NSRP1: variants seen among roughly 807,000 people sequenced by gnomAD.
NSRP1 encodes coiled-coil domain containing 55.
A neutral mutation model predicts 54.7 loss-of-function variants in NSRP1; 24 were observed. The observed-to-expected ratio is 0.44, with a 90% CI of 0.32 to 0.62. NSRP1 has a LOEUF of 0.62. NSRP1 is among the 20% of genes least tolerant of loss of function. The probability of loss-of-function intolerance (pLI) is 0.06; values close to 1 mark genes in which losing one functional copy is unlikely to be tolerated. For synonymous variants in NSRP1, 210 were observed against 213.8 expected (o/e 0.98, Z 0.15); for missense variants, 596 against 651.2 (o/e 0.92, Z 0.92).
At chr17:30,124,156 TG>T (rs2071629551) in intron 2 of NSRP1, among the ~76,000 whole-genome samples, 1 of 151,782 alleles carries the variant, frequency 6.6e-6, no homozygotes, top group Non-Finnish European at 1.5e-5. Flanking sequence ...GTTAGGTACT[TG>T]GAAGGCTCAG....
intron 2 of NSRP1, chr17:30,150,572 CGG>C: frequency 6.7e-6 from 1 of 148,688 alleles, no homozygotes; most frequent in Non-Finnish European, 1.5e-5. Flanking sequence ...TTAGTAGAGA[CGG>C]GGTTTCACCG....
chr17:30,155,635 C>T (rs1337274595), intron 2 of NSRP1, among the ~76,000 whole-genome samples: 1 of 152,034 alleles, frequency 6.6e-6, no homozygotes, highest in Non-Finnish European at 1.5e-5. Flanking sequence ...CCTCAAACTG[C>T]TGGGCTCAAG....
chr17:30,169,984 A>G (rs1904869144), intron 2 of NSRP1, among the ~76,000 whole-genome samples: 1 of 152,066 alleles, frequency 6.6e-6, no homozygotes, highest in Non-Finnish European at 1.5e-5. Context: ...TTTTATGTAT[A>G]TTTAAGACTT....
At chr17:30,159,357 T>TG (rs1255477749) in intron 2 of NSRP1, among the ~76,000 whole-genome samples, 21 of 152,230 alleles carry the variant, frequency 1.4e-4, no homozygotes, top group Middle Eastern at 3.4e-3. Context: ...AGAGGTTTTT[T>TG]TTGTGTGTGT....
chr17:30,180,095 C>T (rs1905246971), intron 5 of NSRP1, among the ~76,000 whole-genome samples: 1 of 152,036 alleles, frequency 6.6e-6, no homozygotes, highest in African/African-American at 2.4e-5. Context: ...CCTCAGCCTC[C>T]CAAAGTGTTG....
At chr17:30,135,165 C>T (rs1178211162) in intron 2 of NSRP1, among the ~76,000 whole-genome samples, 1 of 152,126 alleles carries the variant, frequency 6.6e-6, no homozygotes, top group African/African-American at 2.4e-5. Flanking sequence ...CTCTCCCAGG[C>T]TGGAGTGAAG....
intron 4 of NSRP1, 118 bp from the exon 5 acceptor site, chr17:30,178,972 A>G: frequency 1.8e-6 from 1 of 556,726 alleles, no homozygotes; most frequent in South Asian, 5.5e-5. Flanking sequence ...TATTGAATGT[A>G]GGGAAGACAA....
chr17:30,119,869 CT>C (rs1226611832), intron 2 of NSRP1, among the ~76,000 whole-genome samples: 1 of 152,130 alleles, frequency 6.6e-6, no homozygotes, highest in Non-Finnish European at 1.5e-5. Context: ...TTCTTTGCTA[CT>C]TTTGAAGACA....
chr17:30,141,684 TCG>T, intron 2 of NSRP1, among the ~76,000 whole-genome samples: 1 of 152,202 alleles, frequency 6.6e-6, no homozygotes, highest in Admixed American at 6.5e-5. Context: ...AAATTGGTTA[TCG>T]TGACAATTTT....
intron 2 of NSRP1, among the ~76,000 whole-genome samples, chr17:30,125,641 A>T (rs552163195): frequency 6.6e-6 from 1 of 152,220 alleles, no homozygotes; most frequent in East Asian, 1.9e-4. Context: ...TCCACCTCCC[A>T]AGTTAAAGCA....
At chr17:30,147,114 TTC>T (rs1174253521) in intron 2 of NSRP1, among the ~76,000 whole-genome samples, 1 of 148,150 alleles carries the variant, frequency 6.7e-6, no homozygotes, top group Non-Finnish European at 1.5e-5. Flanking sequence ...TATAGACTTT[TTC>T]TTTTTCTTTT....
chr17:30,124,190 A>G (rs962010135), intron 2 of NSRP1, among the ~76,000 whole-genome samples: 26 of 152,086 alleles, frequency 1.7e-4, no homozygotes, highest in Admixed American at 1.5e-3. Flanking sequence ...GCTTGAGCCC[A>G]GGTTTGAGGT....
At chr17:30,123,486 T>C (rs927177940) in intron 2 of NSRP1, among the ~76,000 whole-genome samples, 1 of 152,222 alleles carries the variant, frequency 6.6e-6, no homozygotes, top group Non-Finnish European at 1.5e-5. Flanking sequence ...TTATTAGATA[T>C]ATGGTTTGTA....
chr17:30,137,745 T>G (rs2071762764), intron 2 of NSRP1, among the ~76,000 whole-genome samples: 1 of 152,246 alleles, frequency 6.6e-6, no homozygotes, highest in Non-Finnish European at 1.5e-5. Flanking sequence ...ATAGATTTTT[T>G]TCAAAAGTGA....
At chr17:30,161,460 A>T (rs933517624) in intron 2 of NSRP1, among the ~76,000 whole-genome samples, 1 of 152,118 alleles carries the variant, frequency 6.6e-6, no homozygotes, top group Non-Finnish European at 1.5e-5. Flanking sequence ...ATATTTTGGG[A>T]AAATTTTTAC....
chr17:30,142,475 G>A (rs2071814406), intron 2 of NSRP1, among the ~76,000 whole-genome samples: 1 of 150,522 alleles, frequency 6.6e-6, no homozygotes, highest in East Asian at 2.0e-4. Flanking sequence ...ATAGGCATGT[G>A]CCACCACGCC....
At position 30,186,194 on chromosome 17, in the gene NSRP1, A is replaced by G. The variant is rs1376540758; in HGVS notation, c.*520A>G. The G allele has an allele frequency of 2.0e-5, 3 of 152,222 alleles. No homozygotes were observed. The highest frequency in any genetic ancestry group is 4.4e-5 in the Non-Finnish European group (3 of 68,044). The allele number at this position is 152,222 out of a possible 1,614,324, so 9.4% of individuals were successfully genotyped here. On this transcript the variant is annotated 3_prime_UTR_variant, in exon 7 of 7. Transcript: ENST00000247026. ...GCAAGAAGATCACTTGAGCCTAGGA[A>G]TTTGATGTTACAGTGAGGTATGATC...
At chr17:30,166,339 G>A (rs1904730781) in intron 2 of NSRP1, among the ~76,000 whole-genome samples, 1 of 152,112 alleles carries the variant, frequency 6.6e-6, no homozygotes. Context: ...TTTATTCACA[G>A]GGCACTTATG....
Position 30,174,562 on chromosome 17 carries a change from C to T in NSRP1, c.171+1964C>T, listed in dbSNP as rs182697231. 2.0e-3 allele frequency among the ~76,000 whole-genome samples: 299 copies of T among 152,202 alleles called. 3 individuals carry two copies. The highest frequency in any genetic ancestry group is 1.3e-3 in the Non-Finnish European group (87 of 68,008). On this transcript the variant is annotated intron_variant, in intron 3 of 6. Coordinates refer to ENST00000247026, the MANE Select transcript of NSRP1 (RefSeq NM_032141.4). ...TGATGGCAACATTATTGTCATATTCCGTTTCATTGGGAAAACTTTCAGTAT... is the reference window on the plus strand; with the variant it reads ...TGATGGCAACATTATTGTCATATTCTGTTTCATTGGGAAAACTTTCAGTAT...
Sources: gnomAD v4.1 joint callset for allele counts (sites outside exome capture counted in the v4.1 genomes callset) on GRCh38, gnomAD v4.1.1 for gene constraint, MANE v1.5 for transcripts, NCBI Gene and HGNC (gene_info 2026-07-23, HGNC 2026-07-21) for gene names.